ANKIB1: variants seen among roughly 807,000 people sequenced by gnomAD.
ANKIB1 encodes the protein ankyrin repeat and IBR domain containing 1, also known as ankyrin repeat and IBR domain-containing protein 1.
A neutral mutation model predicts 122.1 loss-of-function variants in ANKIB1; 43 were observed. The observed-to-expected ratio is 0.35, with a 90% CI of 0.28 to 0.45. The LOEUF (loss-of-function observed/expected upper bound fraction) is 0.45, where lower values mean the gene tolerates loss of function less well. Ranked by LOEUF, ANKIB1 falls within the 20% of genes least tolerant of loss-of-function variation. The pLI, the probability that ANKIB1 is intolerant of heterozygous loss-of-function variation, is 1.00. For synonymous variants in ANKIB1, 390 were observed against 442.0 expected, an observed-to-expected ratio of 0.88 and a Z score of 1.48; for missense variants, 992 against 1,329.5, an observed-to-expected ratio of 0.75 and a Z score of 3.95.
intron 11 of ANKIB1, among the ~76,000 whole-genome samples, chr7:92,373,536 A>G (rs1477622524): frequency 1.3e-5 from 2 of 152,176 alleles, no homozygotes; most frequent in African/African-American, 4.8e-5. Flanking sequence ...AGTTGTATTT[A>G]TTATACCATC....
rs766865093 is a variant in ANKIB1 at position 92,343,220 on chromosome 7, A to C, written c.984A>C (p.Leu328Phe). ...AAATCAGCTTATCTCCTGGGGATTT[A>C]GACACCAGTTTGGTATGGTTTGGTA... Reference protein sequence around the residue: ...PDEISLSPGDLDTSLCDICMC... With the variant: ...PDEISLSPGDFDTSLCDICMC... Residue 328 changes from leucine to phenylalanine, a missense_variant, in exon 6 of 20, where the codon TTA (leucine) becomes TTC (phenylalanine). Leu to Phe is a conservative substitution (Grantham distance 22, BLOSUM62 0). Around this residue, in one of 4 missense-constraint regions of ANKIB1, gnomAD observed 521 missense variants for 777.7 expected, o/e 0.67. Coordinates refer to ENST00000265742, the MANE Select transcript of ANKIB1 (RefSeq NM_019004.2). 1.9e-6 allele frequency: 3 copies of C among 1,613,674 alleles called. No homozygotes were observed. The highest frequency in any genetic ancestry group is 2.5e-6 in the Non-Finnish European group (3 of 1,179,706).
intron 2 of ANKIB1, among the ~76,000 whole-genome samples, chr7:92,296,743 TAC>T (rs1480815650): frequency 1.3e-5 from 2 of 152,184 alleles, no homozygotes; most frequent in South Asian, 4.1e-4. Flanking sequence ...CATAGTATTT[TAC>T]ACAGAGTAAA....
chr7:92,268,560 C>G (rs1197389901), intron 1 of ANKIB1, among the ~76,000 whole-genome samples: 2 of 152,214 alleles, frequency 1.3e-5, no homozygotes, highest in Non-Finnish European at 2.9e-5. Context: ...TCACTGCAAC[C>G]TCTGCCTTCT....
intron 10 of ANKIB1, 71 bp from the exon 11 acceptor site, chr7:92,371,406 A>T: frequency 2.2e-6 from 3 of 1,344,106 alleles, no homozygotes; most frequent in Non-Finnish European, 3.1e-6. Context: ...AAAAGTGTGG[A>T]GGGTTTTTTT....
intron 4 of ANKIB1, among the ~76,000 whole-genome samples, chr7:92,324,111 A>G (rs1384825557): frequency 6.6e-6 from 1 of 152,204 alleles, no homozygotes; most frequent in Non-Finnish European, 1.5e-5. Flanking sequence ...TTTCTTTTGG[A>G]GTGATGGAAA....
At chr7:92,302,430 C>G (rs766003386) in intron 2 of ANKIB1, among the ~76,000 whole-genome samples, 1 of 152,110 alleles carries the variant, frequency 6.6e-6, no homozygotes, top group Non-Finnish European at 1.5e-5. Flanking sequence ...AATAGATGCA[C>G]CTTTGCATCT....
intron 1 of ANKIB1, among the ~76,000 whole-genome samples, chr7:92,286,439 C>A (rs867010492): frequency 9.3e-5 from 14 of 150,764 alleles, no homozygotes; most frequent in Middle Eastern, 3.5e-3. Flanking sequence ...TAGAGGACAA[C>A]TGGTCCTTCA....
intron 1 of ANKIB1, among the ~76,000 whole-genome samples, chr7:92,292,935 C>G (rs1026981201): frequency 1.3e-5 from 2 of 152,082 alleles, no homozygotes; most frequent in Admixed American, 1.3e-4. Flanking sequence ...ATTCAAAAAG[C>G]TCTACTGTAT....
chr7:92,326,228 C>T (rs552007597), intron 4 of ANKIB1, among the ~76,000 whole-genome samples: 2 of 152,298 alleles, frequency 1.3e-5, no homozygotes, highest in African/African-American at 4.8e-5. Flanking sequence ...AAAACTGGAT[C>T]TATGCAGATT....
At position 92,373,684 on chromosome 7, in the gene ANKIB1, C is replaced by T. The variant is rs534870836; in HGVS notation, c.1617+2077C>T. The stretch of plus-strand genomic sequence containing the variant: ...AAATGTGTAGGTGTAACAACATGGT[C>T]ATGTGTAATTGAATCCATGCACTGA... On this transcript the variant is annotated intron_variant, in intron 11 of 19. Transcript: ENST00000265742. Among the ~76,000 whole-genome samples the T allele has an allele frequency of 2.3e-3, 351 of 152,236 alleles. 4 individuals carry two copies. Among genetic ancestry groups the T allele is most frequent in the African/African-American group, 8.2e-3 (341 of 41,556 alleles).
chr7:92,395,435 C>A (rs1294551436), intron 17 of ANKIB1, among the ~76,000 whole-genome samples: 1 of 152,030 alleles, frequency 6.6e-6, no homozygotes, highest in Non-Finnish European at 1.5e-5. Context: ...ATGTAGTAGT[C>A]CCAAAGAATA....
chr7:92,279,848 T>C (rs536040548), intron 1 of ANKIB1, among the ~76,000 whole-genome samples: 45 of 152,150 alleles, frequency 3.0e-4, no homozygotes, highest in Admixed American at 1.3e-3. Context: ...AGAGTCCAAA[T>C]TGACCCACTC....
chr7:92,307,215 G>T, intron 2 of ANKIB1, 144 bp from the exon 3 acceptor site: 2 of 712,032 alleles, frequency 2.8e-6, no homozygotes, highest in South Asian at 4.7e-5. Flanking sequence ...AGTCATTCAA[G>T]CTGTTGTAAA....
In ANKIB1 at chr7:92,362,272, A is replaced by T; in HGVS notation, c.1485A>T (p.Glu495Asp). ...AAATAACCGAAATGAAACCAGAAGA[A>T]CGTAAGAGGAATTTTAGATAGCTTT... ...LQKITEMKPE[E>D]LVGVSEAYED... The change falls in exon 10 of 20, where the codon GAA (glutamate) becomes GAT (aspartate). Residue 495 changes from glutamate to aspartate, a missense_variant and splice_region_variant. By Grantham distance (45) the Glu-to-Asp change is conservative (BLOSUM62 2). Coordinates refer to ENST00000265742, the MANE Select transcript of ANKIB1 (RefSeq NM_019004.2). 1 of 1,582,376 alleles carries T rather than the reference A, an allele frequency of 6.3e-7. No homozygotes were observed. Among genetic ancestry groups the T allele is most frequent in the South Asian group, 1.2e-5 (1 of 86,112 alleles).
intron 10 of ANKIB1, among the ~76,000 whole-genome samples, chr7:92,363,086 GCT>G (rs1213464678): frequency 6.6e-6 from 1 of 151,918 alleles, no homozygotes; most frequent in Non-Finnish European, 1.5e-5. Flanking sequence ...AATGGTGTTA[GCT>G]TGAGATGTCA....
Position 92,391,316 on chromosome 7 carries a change from G to A in ANKIB1, c.2203G>A (p.Ala735Thr). Residue 735 changes from alanine to threonine, a missense_variant, in exon 16 of 20, where the codon GCA becomes ACA. Physicochemically the swap from Ala to Thr is moderately conservative, Grantham distance 58 (BLOSUM62 0). Around this residue, in one of 4 missense-constraint regions of ANKIB1, gnomAD observed 521 missense variants for 777.7 expected, o/e 0.67. Coordinates refer to ENST00000265742, the MANE Select transcript of ANKIB1 (RefSeq NM_019004.2). ...LASVARGVAP[A>T]DSPEAPRRSF... The stretch of plus-strand genomic sequence containing the variant: ...ATCTGTGGCTCGGGGAGTAGCTCCT[G>A]CAGACTCACCAGAAGCTCCAAGGCG... 1 of 1,612,662 alleles carries A rather than the reference G, an allele frequency of 6.2e-7. No individual in the cohort carries two copies. Among genetic ancestry groups the A allele is most frequent in the Non-Finnish European group, 8.5e-7 (1 of 1,179,228 alleles).
At chr7:92,292,930 A>G (rs1802281562) in intron 1 of ANKIB1, among the ~76,000 whole-genome samples, 1 of 152,202 alleles carries the variant, frequency 6.6e-6, no homozygotes, top group South Asian at 2.1e-4. Flanking sequence ...CATATATTCA[A>G]AAAGCTCTAC....
chr7:92,354,397 A>T (rs1803741310), intron 9 of ANKIB1, among the ~76,000 whole-genome samples: 1 of 152,182 alleles, frequency 6.6e-6, no homozygotes, highest in South Asian at 2.1e-4. Flanking sequence ...CTCACATGTG[A>T]GTCCATGTGA....
chr7:92,290,023 G>A (rs981968267), intron 1 of ANKIB1, among the ~76,000 whole-genome samples: 8 of 152,112 alleles, frequency 5.3e-5, no homozygotes, highest in African/African-American at 1.4e-4. Context: ...TGCCATGTTG[G>A]CCAGGCTGGT....
Sources: gnomAD v4.1 joint callset for allele counts (sites outside exome capture counted in the v4.1 genomes callset) on GRCh38, gnomAD v4.1.1 for gene constraint, gnomAD v4.1.1 regional missense constraint, MANE v1.5 for transcripts, NCBI Gene and HGNC (gene_info 2026-07-23, HGNC 2026-07-21) for gene names.